The following C9 variants were observed in gnomAD, a reference collection of about 807,000 sequenced individuals.
C9 encodes the protein complement C9.
A neutral mutation model predicts 65.4 loss-of-function variants in C9; 63 were observed. That is an observed-to-expected ratio of 0.96 (90% CI 0.79 to 1.19). C9 has a LOEUF of 1.19. Ranked by LOEUF, C9 falls within the 50% of genes most tolerant of loss-of-function variation. C9 has a pLI of 0.00. For missense variants in C9, 744 were observed against 670.1 expected (o/e 1.11, Z -1.22); for synonymous variants, 229 against 227.9 (o/e 1.00, Z -0.04).
chr5:39,339,987 A>G (rs1176557756), intron 4 of C9, among the ~76,000 whole-genome samples: 3 of 152,002 alleles, frequency 2.0e-5, no homozygotes, highest in Non-Finnish European at 4.4e-5. Context: ...AAAAATTACC[A>G]CTGATTGAGA....
chr5:39,321,432 A>G (rs1341575871), intron 5 of C9, among the ~76,000 whole-genome samples: 2 of 152,098 alleles, frequency 1.3e-5, no homozygotes, highest in East Asian at 3.8e-4. Flanking sequence ...CACAGAAAAC[A>G]TAAAAGCAAA....
intron 9 of C9, among the ~76,000 whole-genome samples, chr5:39,302,582 GC>G (rs1303456712): frequency 6.6e-6 from 1 of 152,020 alleles, no homozygotes; most frequent in Non-Finnish European, 1.5e-5. Context: ...ACACAATAGA[GC>G]AAAAATGACG....
At chr5:39,298,493 T>C (rs1307358635) in intron 9 of C9, among the ~76,000 whole-genome samples, 2 of 151,750 alleles carry the variant, frequency 1.3e-5, no homozygotes, top group Non-Finnish European at 3.0e-5. Flanking sequence ...CTATAGAATC[T>C]ACAGACATCA....
At chr5:39,327,520 A>G (rs774158313) in intron 5 of C9, among the ~76,000 whole-genome samples, 2 of 152,172 alleles carry the variant, frequency 1.3e-5, no homozygotes, top group Non-Finnish European at 2.9e-5. Flanking sequence ...GAGGGATTTC[A>G]GGTTTTGAGT....
At chr5:39,362,266 G>A (rs1008607094) in intron 1 of C9, among the ~76,000 whole-genome samples, 15 of 152,136 alleles carry the variant, frequency 9.9e-5, no homozygotes, top group Admixed American at 3.9e-4. Flanking sequence ...AAATGACATC[G>A]TTAGGGTGGG....
chr5:39,353,354 G>T (rs1754356217), intron 1 of C9, among the ~76,000 whole-genome samples: 1 of 152,164 alleles, frequency 6.6e-6, no homozygotes, highest in African/African-American at 2.4e-5. Flanking sequence ...GGAAACAAAA[G>T]CACAATGCCT....
intron 1 of C9, among the ~76,000 whole-genome samples, chr5:39,346,144 A>G (rs1329344238): frequency 6.6e-6 from 1 of 152,234 alleles, no homozygotes; most frequent in African/African-American, 2.4e-5. Flanking sequence ...TTCAAAAGCT[A>G]GCAGAAGGCA....
intron 1 of C9, among the ~76,000 whole-genome samples, chr5:39,343,279 A>T (rs562070936): frequency 6.6e-6 from 1 of 152,196 alleles, no homozygotes; most frequent in Non-Finnish European, 1.5e-5. Context: ...CTTTCCTACC[A>T]AAGGGAAGGG....
chr5:39,358,972 G>A lies in C9; in HGVS notation c.77+5416C>T, dbSNP rs1028098576. Among the ~76,000 whole-genome samples, 23 of 149,616 alleles carry A rather than the reference G, an allele frequency of 1.5e-4. 1 individual carries two copies. Among genetic ancestry groups the A allele is most frequent in the East Asian group, 7.8e-4 (4 of 5,100 alleles). ...TGCACTCCAGCCTGGGTGGCAGAGC[G>A]AGACTCCATCTCAAAAAAATAAATA... On this transcript the variant is annotated intron_variant, in intron 1 of 10. Coordinates refer to ENST00000263408, the MANE Select transcript of C9 (RefSeq NM_001737.5).
intron 9 of C9, among the ~76,000 whole-genome samples, chr5:39,296,161 A>G (rs1240759586): frequency 6.6e-6 from 1 of 151,736 alleles, no homozygotes; most frequent in Non-Finnish European, 1.5e-5. Flanking sequence ...CAGGGAACAG[A>G]AGCAAAAATA....
At chr5:39,318,786 T>C (rs28541750) in intron 5 of C9, among the ~76,000 whole-genome samples, 4,482 of 152,232 alleles carry the variant, frequency 0.029, 202 homozygotes, top group African/African-American at 0.1. Flanking sequence ...GACTGAAATG[T>C]ATATAGTTAT....
At chr5:39,324,658 C>A (rs1753718847) in intron 5 of C9, among the ~76,000 whole-genome samples, 1 of 152,118 alleles carries the variant, frequency 6.6e-6, no homozygotes, top group African/African-American at 2.4e-5. Context: ...GGAATGAAAG[C>A]TGAATTGGGA....
intron 1 of C9, among the ~76,000 whole-genome samples, chr5:39,352,595 A>C: frequency 6.6e-6 from 1 of 152,142 alleles, no homozygotes; most frequent in Non-Finnish European, 1.5e-5. Context: ...GTCAACCACA[A>C]AAATTTGCTG....
intron 5 of C9, among the ~76,000 whole-genome samples, chr5:39,318,264 T>C (rs1753606635): frequency 6.6e-6 from 1 of 151,942 alleles, no homozygotes; most frequent in Non-Finnish European, 1.5e-5. Flanking sequence ...GACAACGGGG[T>C]TTTCTAAATA....
chr5:39,350,081 A>T (rs1754294504), intron 1 of C9, among the ~76,000 whole-genome samples: 1 of 152,200 alleles, frequency 6.6e-6, no homozygotes, highest in Non-Finnish European at 1.5e-5. Context: ...GCTGTATGGG[A>T]GGCATGACTG....
At chr5:39,322,683 T>G (rs976037092) in intron 5 of C9, among the ~76,000 whole-genome samples, 1 of 152,150 alleles carries the variant, frequency 6.6e-6, no homozygotes, top group Non-Finnish European at 1.5e-5. Flanking sequence ...CTGCAGGTTT[T>G]GCATCCGTGG....
chr5:39,333,311 C>A (rs1307104790), intron 4 of C9, among the ~76,000 whole-genome samples: 1 of 152,140 alleles, frequency 6.6e-6, no homozygotes, highest in Non-Finnish European at 1.5e-5. Flanking sequence ...TTACTTTAAG[C>A]CAATGGCATG....
chr5:39,346,327 G>A (rs1754194369), intron 1 of C9, among the ~76,000 whole-genome samples: 1 of 152,142 alleles, frequency 6.6e-6, no homozygotes, highest in Admixed American at 6.5e-5. Flanking sequence ...AACAAAAAAT[G>A]ACAAAGGGGA....
At chr5:39,299,484 T>C (rs1232750935) in intron 9 of C9, among the ~76,000 whole-genome samples, 1 of 152,116 alleles carries the variant, frequency 6.6e-6, no homozygotes, top group African/African-American at 2.4e-5. Flanking sequence ...TGGAACTACA[T>C]ATAATGGAAT....
Sources: allele counts gnomAD v4.1 joint callset (sites outside exome capture counted in the v4.1 genomes callset), GRCh38; gene constraint gnomAD v4.1.1; transcripts MANE v1.5; gene names NCBI Gene and HGNC (gene_info 2026-07-23, HGNC 2026-07-21).